ROBO2: variants seen among roughly 807,000 people sequenced by gnomAD.
ROBO2 encodes the protein roundabout guidance receptor 2.
ROBO2 carries 53 observed loss-of-function variants against 160.8 expected under a neutral mutation model. That is an observed-to-expected ratio of 0.33 (90% CI 0.26 to 0.41). ROBO2 has a LOEUF of 0.41. Among genes scored for constraint, ROBO2 ranks in the 10% least tolerant of loss-of-function variants. The pLI is 1.00. For missense variants in ROBO2, 1,577 were observed against 1,722.4 expected, an observed-to-expected ratio of 0.92 and a Z score of 1.49; for synonymous variants, 664 against 611.7, an observed-to-expected ratio of 1.09 and a Z score of -1.26.
intron 2 of ROBO2, among the ~76,000 whole-genome samples, chr3:77,261,137 T>C (rs1458530677): frequency 1.3e-5 from 2 of 152,206 alleles, no homozygotes; most frequent in Non-Finnish European, 2.9e-5. Flanking sequence ...CTTGGACTTC[T>C]GCCTCTGAGT....
At chr3:76,613,157 C>G (rs1278701968) in intron 2 of ROBO2, among the ~76,000 whole-genome samples, 1 of 152,076 alleles carries the variant, frequency 6.6e-6, no homozygotes, top group East Asian at 1.9e-4. Context: ...TACTGGTTTA[C>G]TGGTTATTTT....
chr3:76,396,514 G>A (rs1219508289), intron 2 of ROBO2, among the ~76,000 whole-genome samples: 1 of 152,064 alleles, frequency 6.6e-6, no homozygotes, highest in Non-Finnish European at 1.5e-5. Flanking sequence ...ATTCAATTGG[G>A]AAAAGAGGAA....
chr3:76,428,564 A>G (rs1393543567), intron 2 of ROBO2, among the ~76,000 whole-genome samples: 1 of 152,140 alleles, frequency 6.6e-6, no homozygotes, highest in East Asian at 1.9e-4. Context: ...TCACTACTTA[A>G]GGAGTTGGTT....
intron 2 of ROBO2, among the ~76,000 whole-genome samples, chr3:77,401,121 A>G (rs967784593): frequency 2.0e-5 from 3 of 152,144 alleles, no homozygotes; most frequent in Admixed American, 6.6e-5. Context: ...AAATCTGTCA[A>G]GAAATGTCAT....
chr3:76,532,873 C>T (rs908016504), intron 2 of ROBO2, among the ~76,000 whole-genome samples: 3 of 152,052 alleles, frequency 2.0e-5, no homozygotes, highest in Non-Finnish European at 2.9e-5. Context: ...TATATTTGTT[C>T]CTCAAAATAA....
chr3:77,608,929 T>C (rs1195008939), intron 21 of ROBO2, among the ~76,000 whole-genome samples: 1 of 151,936 alleles, frequency 6.6e-6, no homozygotes, highest in Non-Finnish European at 1.5e-5. Flanking sequence ...AAATTTCTTC[T>C]TCATCCTCTT....
chr3:76,756,498 G>A (rs186040023), intron 2 of ROBO2, among the ~76,000 whole-genome samples: 10 of 151,854 alleles, frequency 6.6e-5, no homozygotes, highest in African/African-American at 2.2e-4. Context: ...AATGACCAAT[G>A]AAAATACAGT....
intron 2 of ROBO2, among the ~76,000 whole-genome samples, chr3:77,116,890 C>T (rs2074260251): frequency 6.6e-6 from 1 of 152,204 alleles, no homozygotes; most frequent in East Asian, 1.9e-4. Context: ...TCAATTTCAG[C>T]ACCTCTGACA....
At position 76,833,384 on chromosome 3, in the gene ROBO2, A is replaced by T. The variant is rs190241275; in HGVS notation, c.110-264630A>T. ...ATATATGATTACCACAAGGTGTCAGATATTTCAGCAAAAGTGCAGCATTTT... is the reference window on the plus strand; with the variant it reads ...ATATATGATTACCACAAGGTGTCAGTTATTTCAGCAAAAGTGCAGCATTTT... On this transcript the variant is annotated intron_variant, in intron 2 of 26. Coordinates refer to the ROBO2 transcript ENST00000487694. Among the ~76,000 whole-genome samples, 44 of 152,330 alleles carry T rather than the reference A, an allele frequency of 2.9e-4. No individual in the cohort carries two copies. The East Asian group carries it at 8.1e-3, about 28-fold the overall frequency.
intron 2 of ROBO2, among the ~76,000 whole-genome samples, chr3:76,193,469 A>G (rs1702107594): frequency 6.6e-6 from 1 of 152,168 alleles, no homozygotes; most frequent in African/African-American, 2.4e-5. Context: ...GGCATGATAT[A>G]AATTTCTGTT....
In ROBO2 at chr3:76,510,314, G is replaced by C. The variant is rs182656167; in HGVS notation, c.109+572712G>C. On this transcript the variant is annotated intron_variant, in intron 2 of 26. Transcript: ENST00000487694. ...GCTGCTGGAGAAACTGGACAGTGAT[G>C]TAAGTGTGAAATGTCTTATAGAAAA... Among the ~76,000 whole-genome samples the C allele has an allele frequency of 7.1e-4, 108 of 152,334 alleles. 2 individuals carry two copies. The highest frequency in any genetic ancestry group is 1.3e-3 in the Non-Finnish European group (90 of 68,040).
intron 2 of ROBO2, among the ~76,000 whole-genome samples, chr3:76,410,370 G>T (rs2075426605): frequency 6.6e-6 from 1 of 152,052 alleles, no homozygotes; most frequent in Admixed American, 6.6e-5. Context: ...AAACAATGAA[G>T]ATTATGAGTA....
chr3:76,385,783 G>A (rs761698810), intron 2 of ROBO2, among the ~76,000 whole-genome samples: 1 of 151,544 alleles, frequency 6.6e-6, no homozygotes, highest in Non-Finnish European at 1.5e-5. Flanking sequence ...AGAAAGAGTG[G>A]CAAAAAAAAG....
chr3:76,483,440 C>G (rs1224778156), intron 2 of ROBO2, among the ~76,000 whole-genome samples: 2 of 151,674 alleles, frequency 1.3e-5, no homozygotes, highest in African/African-American at 4.8e-5. Flanking sequence ...GAGCATAGTA[C>G]CCAATTAACT....
At chr3:77,409,805 T>TTTCCAATTATAAGA (rs2076556607) in intron 2 of ROBO2, among the ~76,000 whole-genome samples, 1 of 152,160 alleles carries the variant, frequency 6.6e-6, no homozygotes, top group Non-Finnish European at 1.5e-5. Context: ...CTAGCTCATA[T>TTTCCAATTATAAGA]TTCCAATTAT....
chr3:76,898,359 C>T (rs2074969770), intron 2 of ROBO2, among the ~76,000 whole-genome samples: 1 of 151,936 alleles, frequency 6.6e-6, no homozygotes, highest in Admixed American at 6.6e-5. Context: ...TTCAATAAAT[C>T]CATCTAAAAT....
chr3:76,029,700 C>A (rs948569776), intron 2 of ROBO2, among the ~76,000 whole-genome samples: 2 of 152,062 alleles, frequency 1.3e-5, no homozygotes, highest in African/African-American at 4.8e-5. Context: ...ATGAACTAAT[C>A]CTTTTTACGG....
intron 2 of ROBO2, among the ~76,000 whole-genome samples, chr3:76,096,454 C>A (rs1393929609): frequency 6.6e-6 from 1 of 152,074 alleles, no homozygotes. Context: ...GTTTTAATTA[C>A]CTCCAATTCA....
intron 2 of ROBO2, among the ~76,000 whole-genome samples, chr3:76,796,668 TA>T (rs1272859522): frequency 6.6e-6 from 1 of 151,984 alleles, no homozygotes; most frequent in Non-Finnish European, 1.5e-5. Flanking sequence ...TCTGAATGGT[TA>T]AAAAACAAGA....
Sources: gnomAD v4.1 joint callset for allele counts (sites outside exome capture counted in the v4.1 genomes callset) on GRCh38, gnomAD v4.1.1 for gene constraint, MANE v1.5 for transcripts, NCBI Gene and HGNC (gene_info 2026-07-23, HGNC 2026-07-21) for gene names.